The following NES variants were observed in gnomAD, a reference collection of about 807,000 sequenced individuals.
NES encodes nestin.
NES carries 27 observed loss-of-function variants against 35.6 expected under a neutral mutation model. That is an observed-to-expected ratio of 0.76 (90% confidence interval 0.56 to 1.04). The LOEUF is 1.04. Among genes scored for constraint, NES ranks in the 50% least tolerant of loss-of-function variants. The pLI, the probability that NES is intolerant of heterozygous loss-of-function variation, is 0.00. For synonymous variants in NES, 822 were observed against 824.2 expected (o/e 1.00, Z 0.04); for missense variants, 1,867 against 1,983.6 (o/e 0.94, Z 1.12).
Position 156,670,643 on chromosome 1 carries a change from C to T in NES, c.3545G>A (p.Gly1182Glu). 1.2e-6 allele frequency: 2 copies of T among 1,613,926 alleles called. No individual in the cohort carries two copies. The highest frequency in any genetic ancestry group is 1.3e-5 in the African/African-American group (1 of 75,008). The change falls in exon 4 of 4, where the codon GGA becomes GAA. Residue 1182 changes from glycine (G) to glutamate (E), a missense_variant. Gly to Glu is a moderately conservative substitution (Grantham distance 98). Coordinates refer to ENST00000368223, the MANE Select transcript of NES (RefSeq NM_006617.2). ...REESEAEAPR[G>E]AEEAFPAETL... Reference sequence around the variant, plus strand: ...CTCAGCAGGGAACGCCTCCTCTGCTCCCCTGGGGGCCTCAGCCTCTGACTC... The same window carrying T: ...CTCAGCAGGGAACGCCTCCTCTGCTTCCCTGGGGGCCTCAGCCTCTGACTC...
At position 156,676,149 on chromosome 1, in the gene NES, G is replaced by C. The variant is rs1452771080; in HGVS notation, c.783+333C>G. On this transcript the variant is annotated intron_variant, in intron 1 of 3. Coordinates refer to ENST00000368223, the MANE Select transcript of NES (RefSeq NM_006617.2). This position sits in a 1 kb window ranked among gnomAD's most constrained non-coding sequence, Gnocchi z 5.3. ...TTCAGCGCAGAGGCGACAGTGCTGG[G>C]TGTCCTCCTAGTAATACCAGAGCCT... 6.6e-6 allele frequency among the ~76,000 whole-genome samples: 1 copy of C among 152,244 alleles called. No homozygotes were observed. The highest frequency in any genetic ancestry group is 2.4e-5 in the African/African-American group (1 of 41,470).
rs1476420253 is a variant in NES at position 156,672,739 on chromosome 1, T to C, written c.1449A>G (p.Glu483=). The C allele has an allele frequency of 2.5e-6, 4 of 1,613,452 alleles. No homozygotes were observed. The African/African-American group carries it at 4.0e-5, about 16-fold the overall frequency. ...TGCTGAACACTCTAGACCCACCGGATTCTCCATCCTTAGCCTCTAAACTGG... is the reference window on the plus strand; with the variant it reads ...TGCTGAACACTCTAGACCCACCGGACTCTCCATCCTTAGCCTCTAAACTGG... ...DHSSLEAKDG[E]SGGSRVFSIC... is the part of the protein sequence containing the mutation. The change falls in exon 4 of 4, where the codon GAA becomes GAG. Residue 483 remains glutamate (E), a synonymous_variant. Coordinates refer to ENST00000368223, the MANE Select transcript of NES (RefSeq NM_006617.2).
At chr1:156,673,798 T>C (rs908408723) in intron 2 of NES, among the ~76,000 whole-genome samples, 9 of 150,358 alleles carry the variant, frequency 6.0e-5, no homozygotes, top group Non-Finnish European at 1.0e-4. Context: ...CAGTCGGACA[T>C]TGCCCTACAC....
rs781674865 is a variant in NES at position 156,677,212 on chromosome 1, C to T, written c.53G>A (p.Arg18His). ...GACCCGGGCCAGGTAGGCCTCCAGG[C>T]GCCGATTGAGCTCCCACATCTGAAA... ...ESFQMWELNRRLEAYLARVKA... is the reference protein window; with the variant it reads ...ESFQMWELNRHLEAYLARVKA... The change falls in exon 1 of 4, where the codon CGC (arginine) becomes CAC (histidine). Residue 18 changes from arginine to histidine, a missense_variant. Transcript: ENST00000368223. The surrounding 1 kb of genome is among the most constrained non-coding windows in gnomAD (Gnocchi z 4.5). 2 of 1,612,724 alleles carry T rather than the reference C, an allele frequency of 1.2e-6. No homozygotes were observed. The highest frequency in any genetic ancestry group is 1.7e-6 in the Non-Finnish European group (2 of 1,179,920).
rs376398507 is a variant in NES, at chr1:156,670,660, C to T, written c.3528G>A (p.Glu1176=). The T allele has an allele frequency of 1.2e-5, 20 of 1,613,710 alleles. No homozygotes were observed. The highest frequency in any genetic ancestry group is 1.5e-5 in the Non-Finnish European group (18 of 1,179,924). Residue 1176 remains glutamate (E), a synonymous_variant, in exon 4 of 4, where the codon GAG becomes GAA. Coordinates refer to ENST00000368223, the MANE Select transcript of NES (RefSeq NM_006617.2). ...CCTCTGCTCCCCTGGGGGCCTCAGC[C>T]TCTGACTCCTCCCTACCCTCCCTGG... The part of the protein sequence containing the change: ...EPPREGREES[E]AEAPRGAEEA...
intron 2 of NES, among the ~76,000 whole-genome samples, chr1:156,674,962 G>A (rs1277343078): frequency 6.6e-6 from 1 of 152,230 alleles, no homozygotes; most frequent in South Asian, 2.1e-4. Flanking sequence ...TCCAGAGGCT[G>A]TCCCGCTCGG....
chr1:156,673,178 C>T lies in NES; in HGVS notation c.1010G>A (p.Arg337Lys), dbSNP rs772693588. Residue 337 changes from arginine to lysine, a missense_variant, in exon 4 of 4, where the codon AGG (arginine) becomes AAG (lysine). Arg to Lys is a conservative substitution (Grantham distance 26, BLOSUM62 2). Transcript: ENST00000368223. ...TCCAAGACGCCGGCCCTCTGGGGTC[C>T]TAGGGAATTGCAGCTCCAGCTTGGG... is the stretch of plus-strand genomic sequence containing the variant. ...QDPKLELQFP[R>K]TPEGRRLGSL... 7 of 1,525,810 alleles carry T rather than the reference C, an allele frequency of 4.6e-6. No individual in the cohort carries two copies. The Admixed American group carries it at 1.5e-4, about 33-fold the overall frequency. The allele number at this position is 1,525,810 out of a possible 1,614,324, so 94.5% of individuals were successfully genotyped here.
rs370685934 is a variant in NES at position 156,671,963 on chromosome 1, T to C, written c.2225A>G (p.Lys742Arg). 8 of 1,614,088 alleles carry C rather than the reference T, an allele frequency of 5.0e-6. No homozygotes were observed. The highest frequency in any genetic ancestry group is 6.8e-6 in the Non-Finnish European group (8 of 1,180,038). The change falls in exon 4 of 4, where the codon AAA becomes AGA. Residue 742 changes from lysine to arginine, a missense_variant. Physicochemically the swap from Lys to Arg is conservative, Grantham distance 26 (BLOSUM62 2). Coordinates refer to ENST00000368223, the MANE Select transcript of NES (RefSeq NM_006617.2). The stretch of plus-strand genomic sequence containing the variant: ...CTGTTCTTCTAAAGACCTCAGTGAT[T>C]TGTGATTCTCTGTTTCTAGAGGTCT... ...IVRPLETENH[K>R]SLRSLEEQDQ...
rs146047856 is a variant in NES at position 156,669,485 on chromosome 1, G to C, written c.4703C>G (p.Pro1568Arg). The change falls in exon 4 of 4, where the codon CCG (proline) becomes CGG (arginine). Residue 1568 changes from proline (P) to arginine (R), a missense_variant. Pro to Arg is a moderately radical substitution (Grantham distance 103). Coordinates refer to ENST00000368223, the MANE Select transcript of NES (RefSeq NM_006617.2). Reference sequence around the variant, plus strand: ...CCCTCGGTCTCCCTCAGAGACTAGCGGCATTCCTTGCCCCACTTCCTCAGA... The same window carrying C: ...CCCTCGGTCTCCCTCAGAGACTAGCCGCATTCCTTGCCCCACTTCCTCAGA... Reference protein sequence around the residue: ...EQSEEVGQGMPLVSEGDRGSP... With the variant: ...EQSEEVGQGMRLVSEGDRGSP... 1.2e-6 allele frequency: 2 copies of C among 1,613,216 alleles called. No homozygotes were observed. Among genetic ancestry groups the C allele is most frequent in the Non-Finnish European group, 1.7e-6 (2 of 1,179,444 alleles).
In NES at chr1:156,670,421, A is replaced by G; in HGVS notation, c.3767T>C (p.Leu1256Pro). The G allele has an allele frequency of 6.4e-7, 1 of 1,567,840 alleles. No individual in the cohort carries two copies. Among genetic ancestry groups the G allele is most frequent in the Non-Finnish European group, 8.6e-7 (1 of 1,157,544 alleles). The change falls in exon 4 of 4, where the codon CTG becomes CCG. Residue 1256 changes from leucine (L) to proline (P), a missense_variant. Coordinates refer to ENST00000368223, the MANE Select transcript of NES (RefSeq NM_006617.2). ...SWGVQGRAEA[L>P]GKVESEQEEL... ...CTCCTGCTCGCTCTCTACTTTCCCCAGGGCTTCAGCCCTCCCCTGCACCCC... is the reference window on the plus strand; with the variant it reads ...CTCCTGCTCGCTCTCTACTTTCCCCGGGGCTTCAGCCCTCCCCTGCACCCC...
chr1:156,671,141 C>T lies in NES; in HGVS notation c.3047G>A (p.Ser1016Asn), dbSNP rs2365718. The change falls in exon 4 of 4, where the codon AGC (serine) becomes AAC (asparagine). Residue 1016 changes from serine to asparagine, a missense_variant. Ser to Asn is a conservative substitution (Grantham distance 46). Coordinates refer to ENST00000368223, the MANE Select transcript of NES (RefSeq NM_006617.2). ...VWIPGEGHPE[S>N]PEPKEQRGLV... ...GCCTCTCTGCTCTTTGGGCTCAGGG[C>T]TCTCTGGGTGCCCCTCGCCTGGGAT... The T allele has an allele frequency of 0.018, 29,109 of 1,614,026 alleles. 1,813 individuals carry two copies. In the African/African-American group the frequency reaches 0.21, roughly 11 times the overall value.
chr1:156,669,223 G>GT lies in NES; in HGVS notation c.*98dup, dbSNP rs1012463221. ...GCCAGAAACCATATGTCAAGAGATC[G>GT]TAAGTTAAGAGTGCTGCTCCTGAGC... On this transcript the variant is annotated 3_prime_UTR_variant, in exon 4 of 4. Transcript: ENST00000368223. 30 of 785,726 alleles carry GT rather than the reference G, an allele frequency of 3.8e-5. No homozygotes were observed. The highest frequency in any genetic ancestry group is 2.4e-5 in the South Asian group (1 of 42,380). The allele number at this position is 785,726 out of a possible 1,614,324, so 48.7% of individuals were successfully genotyped here. A position where few individuals can be genotyped will look rare whatever the true frequency, so the allele number is the denominator to read the frequency against.
chr1:156,670,770 G>A lies in NES; in HGVS notation c.3418C>T (p.Pro1140Ser), dbSNP rs1423458738. The change falls in exon 4 of 4, where the codon CCT becomes TCT. Residue 1140 changes from proline to serine, a missense_variant. Transcript: ENST00000368223. ...CCTGCCTCCTCTAGGTCCTTTCTAGGCCCTTCCAAGCCCTGAACCCTCTTT... is the reference window on the plus strand; with the variant it reads ...CCTGCCTCCTCTAGGTCCTTTCTAGACCCTTCCAAGCCCTGAACCCTCTTT... The part of the protein sequence containing the change: ...EAKRVQGLEG[P>S]RKDLEEAGGL... 6.2e-7 allele frequency: 1 copy of A among 1,614,036 alleles called. No homozygotes were observed. The highest frequency in any genetic ancestry group is 8.5e-7 in the Non-Finnish European group (1 of 1,179,988).
In NES at chr1:156,671,514, A is replaced by G. The variant is rs763114100; in HGVS notation, c.2674T>C (p.Leu892=). 21 of 1,613,822 alleles carry G rather than the reference A, an allele frequency of 1.3e-5. No homozygotes were observed. Among genetic ancestry groups the G allele is most frequent in the East Asian group, 6.7e-5 (3 of 44,892 alleles). Residue 892 remains leucine (L), a synonymous_variant, in exon 4 of 4, where the codon TTG becomes CTG. Transcript: ENST00000368223. ...RLLEEENQES[L]RSLGAWNLEN... ...AGGTTCCATGCTCCCAGAGATCTCA[A>G]TGATTCCTGATTCTCCTCTTCCAGG...
In NES at chr1:156,670,520, G is replaced by A. The variant is rs1401339567; in HGVS notation, c.3668C>T (p.Pro1223Leu). 1 of 1,602,912 alleles carries A rather than the reference G, an allele frequency of 6.2e-7. No homozygotes were observed. The highest frequency in any genetic ancestry group is 1.1e-5 in the South Asian group (1 of 90,080). The change falls in exon 4 of 4, where the codon CCA (proline) becomes CTA (leucine). Residue 1223 changes from proline to leucine, a missense_variant. Transcript: ENST00000368223. ...DVPPVLVSPS[P>L]TYTPILEDAP... The stretch of plus-strand genomic sequence containing the variant: ...ATCTTCCAGGATCGGGGTGTACGTT[G>A]GGCTGGGGGAGACCAGCACTGGTGG...
At chr1:156,675,409 C>G in intron 1 of NES, 69 bp from the exon 2 acceptor site, 1 of 1,508,580 alleles carries the variant, frequency 6.6e-7, no homozygotes, top group Non-Finnish European at 8.9e-7. Flanking sequence ...CTGCCTCCTG[C>G]CCGCTGCCGC....
At position 156,669,883 on chromosome 1, in the gene NES, C is replaced by G. The variant is rs1394459075; in HGVS notation, c.4305G>C (p.Gly1435=). 6.2e-7 allele frequency: 1 copy of G among 1,613,504 alleles called. No individual in the cohort carries two copies. Among genetic ancestry groups the G allele is most frequent in the East Asian group, 2.2e-5 (1 of 44,840 alleles). Residue 1435 remains glycine (G), a synonymous_variant, in exon 4 of 4, where the codon GGG becomes GGC. Coordinates refer to ENST00000368223, the MANE Select transcript of NES (RefSeq NM_006617.2). ...CAACAGAAGACCCTGGCCCCCACCG[C>G]CCAGCCCCTGGCTCCCTCCCCTCCT... is the stretch of plus-strand genomic sequence containing the variant. ...DQEEGREPGA[G]RWGPGSSVGS...
rs1679736900 is a variant in NES, at chr1:156,671,708, T to TC, written c.2479dup (p.Glu827GlyfsTer149). ...CTCTTGTCCCGCAGACTTCAGTGAT[T>TC]CTAGGATCTCTGTTTCTAAAGATTT... On this transcript the variant is annotated frameshift_variant, in exon 4 of 4. Coordinates refer to ENST00000368223, the MANE Select transcript of NES (RefSeq NM_006617.2). LOFTEE classifies it low-confidence loss of function (END_TRUNC). 1 of 1,613,774 alleles carries TC rather than the reference T, an allele frequency of 6.2e-7. No homozygotes were observed. Among genetic ancestry groups the TC allele is most frequent in the Non-Finnish European group, 8.5e-7 (1 of 1,179,984 alleles).
chr1:156,669,964 C>T lies in NES; in HGVS notation c.4224G>A (p.Glu1408=), dbSNP rs1240255868. ...CTTCCTCATCTGCAAACCCATCGGA[C>T]TCCCCATCTCGATCCCAGGCTGCAG... ...LDPAAWDRDG[E]SDGFADEEES... is the part of the protein sequence containing the mutation. The change falls in exon 4 of 4, where the codon GAG becomes GAA. Residue 1408 remains glutamate (E), a synonymous_variant. Transcript: ENST00000368223. 13 of 1,613,534 alleles carry T rather than the reference C, an allele frequency of 8.1e-6. No homozygotes were observed. The South Asian group carries it at 1.2e-4, about 15-fold the overall frequency.
Sources: allele counts gnomAD v4.1 joint callset (sites outside exome capture counted in the v4.1 genomes callset), GRCh38; gene constraint gnomAD v4.1.1; non-coding constraint Gnocchi (gnomAD v3.1); transcripts MANE v1.5; gene names NCBI Gene and HGNC (gene_info 2026-07-23, HGNC 2026-07-21).